The following MAP3K2 variants were observed in gnomAD, a reference collection of about 807,000 sequenced individuals.
The protein encoded by MAP3K2 is MAP/ERK kinase kinase 2.
MAP3K2 carries 24 observed loss-of-function variants against 80.3 expected under a neutral mutation model. The ratio of observed to expected loss-of-function variants is 0.30; its 90% CI spans 0.22 to 0.42. The LOEUF is 0.42. Among genes scored for constraint, MAP3K2 ranks in the 10% least tolerant of loss-of-function variants. The probability of loss-of-function intolerance (pLI) is 1.00; values close to 1 mark genes in which losing one functional copy is unlikely to be tolerated. For synonymous variants in MAP3K2, 244 were observed against 253.7 expected, an observed-to-expected ratio of 0.96 and a Z score of 0.36; for missense variants, 608 against 750.1, an observed-to-expected ratio of 0.81 and a Z score of 2.21.
At position 127,305,296 on chromosome 2, in the gene MAP3K2, A is replaced by C. The variant is rs1685675609; in HGVS notation, c.*2283T>G. Reference sequence around the variant, plus strand: ...AGATGCCCTCATTCATAAAAGATAAAGAAATTATAATAGATCCACACACTT... The same window carrying C: ...AGATGCCCTCATTCATAAAAGATAACGAAATTATAATAGATCCACACACTT... On this transcript the variant is annotated 3_prime_UTR_variant, in exon 17 of 17. Transcript: ENST00000682094. 6.6e-6 allele frequency: 1 copy of C among 152,284 alleles called. No individual in the cohort carries two copies. The highest frequency in any genetic ancestry group is 6.6e-5 in the Admixed American group (1 of 15,244). The allele number at this position is 152,284 out of a possible 1,614,324, so 9.4% of individuals were successfully genotyped here. A position where few individuals can be genotyped will look rare whatever the true frequency, so the allele number is the denominator to read the frequency against.
At chr2:127,359,883 T>A (rs1686856283) in intron 1 of MAP3K2, among the ~76,000 whole-genome samples, 1 of 152,202 alleles carries the variant, frequency 6.6e-6, no homozygotes, top group Non-Finnish European at 1.5e-5. Context: ...ATGCTTCCTA[T>A]AAAACCTGCA....
intron 1 of MAP3K2, among the ~76,000 whole-genome samples, chr2:127,365,658 G>A (rs1473464510): frequency 6.6e-6 from 1 of 152,142 alleles, no homozygotes; most frequent in Non-Finnish European, 1.5e-5. Flanking sequence ...GCTACACAGA[G>A]GTGACAACTC....
chr2:127,359,898 T>G (rs935564825), intron 1 of MAP3K2, among the ~76,000 whole-genome samples: 1 of 152,232 alleles, frequency 6.6e-6, no homozygotes, highest in South Asian at 2.1e-4. Flanking sequence ...CCTGCAGAAC[T>G]GTGAGCCAAT....
rs1214663753 is a variant in MAP3K2, at chr2:127,306,016, T to G, written c.*1563A>C. ...GAGTTCAAAAGGCTCAGTGTTCAAA[T>G]TCAGTTTGTTCCTAAAATGAAGAGT... On this transcript the variant is annotated 3_prime_UTR_variant, in exon 17 of 17. Coordinates refer to ENST00000682094, the MANE Select transcript of MAP3K2 (RefSeq NM_001371910.2). The surrounding 1 kb of genome is among the most constrained non-coding windows in gnomAD (Gnocchi z 4.7). The G allele has an allele frequency of 6.6e-6, 1 of 151,884 alleles. No homozygotes were observed. Among genetic ancestry groups the G allele is most frequent in the Non-Finnish European group, 1.5e-5 (1 of 67,940 alleles). The allele number at this position is 151,884 out of a possible 1,614,324, so 9.4% of individuals were successfully genotyped here.
chr2:127,382,359 T>C (rs1027786035), intron 1 of MAP3K2, among the ~76,000 whole-genome samples: 2 of 152,300 alleles, frequency 1.3e-5, no homozygotes, highest in Non-Finnish European at 1.5e-5. Context: ...CTCATTTTAT[T>C]GAGCTTCATT....
intron 14 of MAP3K2, among the ~76,000 whole-genome samples, chr2:127,315,720 C>T (rs1169520203): frequency 1.3e-5 from 2 of 152,138 alleles, no homozygotes; most frequent in Admixed American, 6.5e-5. Context: ...AGGCAGATCA[C>T]CTGAGGTCAG....
At chr2:127,337,133 C>T (rs976284647) in intron 4 of MAP3K2, among the ~76,000 whole-genome samples, 1 of 151,688 alleles carries the variant, frequency 6.6e-6, no homozygotes, top group East Asian at 1.9e-4. Flanking sequence ...CAGAGTAAGA[C>T]TCCATCTCAA....
At chr2:127,336,471 CT>C (rs1196807024) in intron 4 of MAP3K2, among the ~76,000 whole-genome samples, 1 of 152,152 alleles carries the variant, frequency 6.6e-6, no homozygotes, top group Non-Finnish European at 1.5e-5. Flanking sequence ...CTAGTGTTTT[CT>C]TTCTACTTCC....
At chr2:127,369,340 A>G (rs1474327738) in intron 1 of MAP3K2, among the ~76,000 whole-genome samples, 1 of 150,832 alleles carries the variant, frequency 6.6e-6, no homozygotes, top group Non-Finnish European at 1.5e-5. Context: ...ATTACAAAAC[A>G]GCAAATAATA....
At chr2:127,337,905 G>A in intron 3 of MAP3K2, 127 bp from the exon 4 acceptor site, 2 of 543,980 alleles carry the variant, frequency 3.7e-6, no homozygotes, top group East Asian at 6.6e-5. Context: ...AGACGAGGAG[G>A]GAATTTTGAA....
intron 1 of MAP3K2, among the ~76,000 whole-genome samples, chr2:127,377,265 T>C (rs1160298046): frequency 6.6e-6 from 1 of 152,012 alleles, no homozygotes; most frequent in Non-Finnish European, 1.5e-5. Flanking sequence ...GTAATACAAA[T>C]AAAGAAATAA....
In MAP3K2 at chr2:127,310,488, A is replaced by C. The variant is rs1249878126; in HGVS notation, c.1457-1726T>G. ...ACGTGGTGAGACACCATCTCTACAA[A>C]AAAATACAAAAAAATTAGCTGGGCA... On this transcript the variant is annotated intron_variant, in intron 15 of 16. Coordinates refer to ENST00000682094, the MANE Select transcript of MAP3K2 (RefSeq NM_001371910.2). This position sits in a 1 kb window ranked among gnomAD's most constrained non-coding sequence, Gnocchi z 4.8. 6.6e-6 allele frequency among the ~76,000 whole-genome samples: 1 copy of C among 152,148 alleles called. No homozygotes were observed. Among genetic ancestry groups the C allele is most frequent in the African/African-American group, 2.4e-5 (1 of 41,434 alleles).
intron 1 of MAP3K2, among the ~76,000 whole-genome samples, chr2:127,361,701 T>G (rs1213329945): frequency 6.6e-6 from 1 of 152,248 alleles, no homozygotes; most frequent in Non-Finnish European, 1.5e-5. Flanking sequence ...TATCATTTCT[T>G]GAATTAATAT....
chr2:127,326,578 T>C (rs1311055269), intron 8 of MAP3K2, 109 bp downstream of exon 8: 9 of 701,952 alleles, frequency 1.3e-5, no homozygotes, highest in East Asian at 1.3e-4. Flanking sequence ...TAAGAAGATA[T>C]GTAATTAGAG....
chr2:127,356,711 C>T (rs928933326), intron 1 of MAP3K2, among the ~76,000 whole-genome samples: 13 of 152,108 alleles, frequency 8.5e-5, no homozygotes, highest in Non-Finnish European at 1.5e-5. Flanking sequence ...TATGTCTCAC[C>T]GTATACAAAA....
At chr2:127,361,588 T>C (rs1686893606) in intron 1 of MAP3K2, among the ~76,000 whole-genome samples, 1 of 152,188 alleles carries the variant, frequency 6.6e-6, no homozygotes, top group South Asian at 2.1e-4. Flanking sequence ...AATCTAATTT[T>C]CATCTAGTGG....
chr2:127,339,327 T>G lies in MAP3K2; in HGVS notation c.5-277A>C, dbSNP rs1262698825. 6.6e-6 allele frequency among the ~76,000 whole-genome samples: 1 copy of G among 152,136 alleles called. No homozygotes were observed. The highest frequency in any genetic ancestry group is 1.9e-4 in the East Asian group (1 of 5,204). On this transcript the variant is annotated intron_variant, in intron 2 of 16. Coordinates refer to ENST00000682094, the MANE Select transcript of MAP3K2 (RefSeq NM_001371910.2). The surrounding 1 kb of genome is among the most constrained non-coding windows in gnomAD (Gnocchi z 4.2). ...TAATATCCTAGAATAAGGTCAAAAC[T>G]GCCCTGTTATAACAAATTCTTTTCT...
At position 127,337,746 on chromosome 2, in the gene MAP3K2, T is replaced by C. The variant is rs1444768978; in HGVS notation, c.156A>G (p.Gly52=). 2 of 1,521,136 alleles carry C rather than the reference T, an allele frequency of 1.3e-6. No individual in the cohort carries two copies. Among genetic ancestry groups the C allele is most frequent in the African/African-American group, 1.4e-5 (1 of 72,620 alleles). The allele number at this position is 1,521,136 out of a possible 1,614,324, so 94.2% of individuals were successfully genotyped here. A position where few individuals can be genotyped will look rare whatever the true frequency, so the allele number is the denominator to read the frequency against. The change falls in exon 4 of 17, where the codon GGA becomes GGG. Residue 52 remains glycine, a synonymous_variant. Transcript: ENST00000682094. ...AATGTTTCCTTCCTTACCTTTTTTC[T>C]CCTCTATGTTCAAATTTGACTCGGA... ...NDVRVKFEHR[G]EKRILQFPRP... is the part of the protein sequence containing the mutation.
intron 1 of MAP3K2, among the ~76,000 whole-genome samples, chr2:127,344,944 G>A (rs1686570190): frequency 6.6e-6 from 1 of 152,078 alleles, no homozygotes; most frequent in South Asian, 2.1e-4. Context: ...GCTCACTGCA[G>A]CCTTGATCTG....
Sources: allele counts gnomAD v4.1 joint callset (sites outside exome capture counted in the v4.1 genomes callset), GRCh38; gene constraint gnomAD v4.1.1; non-coding constraint Gnocchi (gnomAD v3.1); transcripts MANE v1.5; gene names NCBI Gene and HGNC (gene_info 2026-07-23, HGNC 2026-07-21).